Variants in CAMK1D observed in about 807,000 individuals in gnomAD.
The protein encoded by CAMK1D is calcium/calmodulin-dependent protein kinase type 1D.
CAMK1D carries 9 observed loss-of-function variants against 47.7 expected under a neutral mutation model. The observed-to-expected ratio is 0.19, with a 90% CI of 0.11 to 0.33. The LOEUF is 0.33. Among genes scored for constraint, CAMK1D ranks in the 10% least tolerant of loss-of-function variants. CAMK1D has a pLI of 1.00. For missense variants in CAMK1D, 291 were observed against 488.7 expected, an observed-to-expected ratio of 0.60 and a Z score of 3.81; for synonymous variants, 184 against 184.9, an observed-to-expected ratio of 0.99 and a Z score of 0.04.
At chr10:12,453,191 T>C (rs1833139409) in intron 1 of CAMK1D, among the ~76,000 whole-genome samples, 1 of 112,150 alleles carries the variant, frequency 8.9e-6, no homozygotes, top group Non-Finnish European at 1.8e-5. Context: ...TTTTTCTTTT[T>C]TCTTTTTTTT....
chr10:12,400,009 C>T (rs1367599866), intron 1 of CAMK1D, among the ~76,000 whole-genome samples: 3 of 152,142 alleles, frequency 2.0e-5, no homozygotes, highest in Admixed American at 2.0e-4. Flanking sequence ...TCCTGTTTCT[C>T]CCCTAGGAGC....
At chr10:12,381,937 CT>C (rs1006494256) in intron 1 of CAMK1D, among the ~76,000 whole-genome samples, 2 of 152,066 alleles carry the variant, frequency 1.3e-5, no homozygotes, top group African/African-American at 2.4e-5. Flanking sequence ...GAAAAAAAAA[CT>C]GTTTTGCTAT....
intron 1 of CAMK1D, among the ~76,000 whole-genome samples, chr10:12,461,478 T>C (rs531061014): frequency 1.5e-3 from 224 of 151,970 alleles, no homozygotes; most frequent in African/African-American, 5.3e-3. Context: ...GTCGCGAGGT[T>C]AAGAGATCGA....
At chr10:12,356,854 C>A (rs1588399154) in intron 1 of CAMK1D, among the ~76,000 whole-genome samples, 1 of 151,924 alleles carries the variant, frequency 6.6e-6, no homozygotes, top group Non-Finnish European at 1.5e-5. Context: ...ATGACTGTGT[C>A]TCAAGTACAA....
rs553890914 is a variant in CAMK1D, at chr10:12,441,213, G to A, written c.92+91303G>A. 8.5e-5 allele frequency among the ~76,000 whole-genome samples: 13 copies of A among 152,054 alleles called. No individual in the cohort carries two copies. The East Asian group carries it at 2.3e-3, about 27-fold the overall frequency. Reference sequence around the variant, plus strand: ...CTTACATTAATTTTTGTTTTCTTTCGGAGACAGAGTCTCACAATCTGTCAC... The same window carrying A: ...CTTACATTAATTTTTGTTTTCTTTCAGAGACAGAGTCTCACAATCTGTCAC... On this transcript the variant is annotated intron_variant, in intron 1 of 10. Coordinates refer to ENST00000619168, the MANE Select transcript of CAMK1D (RefSeq NM_153498.4).
At chr10:12,573,566 C>T (rs181329065) in intron 2 of CAMK1D, among the ~76,000 whole-genome samples, 68 of 152,260 alleles carry the variant, frequency 4.5e-4, no homozygotes, top group African/African-American at 1.1e-3. Context: ...GGTTTTCACT[C>T]GATAGACTGT....
At chr10:12,748,414 G>A (rs947174471) in intron 3 of CAMK1D, among the ~76,000 whole-genome samples, 1 of 152,196 alleles carries the variant, frequency 6.6e-6, no homozygotes, top group Admixed American at 6.5e-5. Context: ...GGGTCTGGAG[G>A]GGCCCACGGG....
chr10:12,480,392 G>A (rs371236396), intron 1 of CAMK1D, among the ~76,000 whole-genome samples: 73 of 151,724 alleles, frequency 4.8e-4, no homozygotes, highest in African/African-American at 1.7e-3. Context: ...CCGAGATCGC[G>A]CCACTGCACT....
chr10:12,496,450 C>T (rs1834542021), intron 1 of CAMK1D, among the ~76,000 whole-genome samples: 1 of 152,068 alleles, frequency 6.6e-6, no homozygotes, highest in Admixed American at 6.6e-5. Context: ...ATGGGGGCCT[C>T]CACATGTCAG....
chr10:12,463,886 A>G (rs1833512587), intron 1 of CAMK1D, among the ~76,000 whole-genome samples: 1 of 151,886 alleles, frequency 6.6e-6, no homozygotes, highest in African/African-American at 2.4e-5. Flanking sequence ...TGGTTGTATA[A>G]GTGTGTGGTA....
At chr10:12,536,501 T>C (rs1314092554) in intron 1 of CAMK1D, among the ~76,000 whole-genome samples, 3 of 152,038 alleles carry the variant, frequency 2.0e-5, no homozygotes, top group Non-Finnish European at 4.4e-5. Flanking sequence ...CTGGCCTCGC[T>C]CTCCTGAGCT....
intron 5 of CAMK1D, among the ~76,000 whole-genome samples, chr10:12,780,545 G>T (rs1837448996): frequency 6.6e-6 from 1 of 152,134 alleles, no homozygotes; most frequent in South Asian, 2.1e-4. Flanking sequence ...GAAGGATTCA[G>T]TCAATGGACC....
At chr10:12,762,244 C>G (rs1836545050) in intron 4 of CAMK1D, among the ~76,000 whole-genome samples, 1 of 152,228 alleles carries the variant, frequency 6.6e-6, no homozygotes, top group East Asian at 1.9e-4. Context: ...TCCACCCCAG[C>G]ACACATACCC....
intron 8 of CAMK1D, among the ~76,000 whole-genome samples, chr10:12,823,457 GT>G (rs777619033): frequency 3.3e-5 from 5 of 152,110 alleles, no homozygotes; most frequent in Non-Finnish European, 7.4e-5. Flanking sequence ...GTGGATGCCT[GT>G]AGGGAGAGGA....
At chr10:12,503,044 G>A (rs577967479) in intron 1 of CAMK1D, among the ~76,000 whole-genome samples, 1 of 152,336 alleles carries the variant, frequency 6.6e-6, no homozygotes, top group East Asian at 1.9e-4. Context: ...GTGTGTGCAT[G>A]TGTGTATACT....
At chr10:12,642,344 A>G (rs1839691082) in intron 2 of CAMK1D, among the ~76,000 whole-genome samples, 1 of 152,228 alleles carries the variant, frequency 6.6e-6, no homozygotes, top group Admixed American at 6.5e-5. Context: ...TGATTCTTGA[A>G]TGAATCGTTG....
intron 1 of CAMK1D, among the ~76,000 whole-genome samples, chr10:12,365,872 G>A (rs1837818013): frequency 6.6e-6 from 1 of 152,058 alleles, no homozygotes; most frequent in Non-Finnish European, 1.5e-5. Context: ...GGCCAACATG[G>A]TGAAACCCTG....
chr10:12,645,248 A>G lies in CAMK1D; in HGVS notation c.225-21488A>G, dbSNP rs192591412. On this transcript the variant is annotated intron_variant, in intron 2 of 10. Coordinates refer to ENST00000619168, the MANE Select transcript of CAMK1D (RefSeq NM_153498.4). ...GTCAGGACTAATAATGACATTCATT[A>G]TTGGGCTATTATTTAAAATTTTTTT... Among the ~76,000 whole-genome samples, 510 of 152,292 alleles carry G rather than the reference A, an allele frequency of 3.3e-3. 5 individuals are homozygous for G. The highest frequency in any genetic ancestry group is 0.012 in the African/African-American group (492 of 41,566).
At chr10:12,431,314 C>T (rs1240320147) in intron 1 of CAMK1D, among the ~76,000 whole-genome samples, 1 of 152,126 alleles carries the variant, frequency 6.6e-6, no homozygotes, top group African/African-American at 2.4e-5. Flanking sequence ...GCACTGTAAT[C>T]CCTGGTTATT....
Sources: gnomAD v4.1 joint callset for allele counts (sites outside exome capture counted in the v4.1 genomes callset) on GRCh38, gnomAD v4.1.1 for gene constraint, MANE v1.5 for transcripts, NCBI Gene and HGNC (gene_info 2026-07-23, HGNC 2026-07-21) for gene names.